The following NMU variants were observed in gnomAD, a reference collection of about 807,000 sequenced individuals.
The protein encoded by NMU is neuromedin U.
In NMU, 29 loss-of-function variants were observed where a neutral mutation model predicts 35.4. The observed-to-expected ratio is 0.82, with a 90% CI of 0.61 to 1.12. The LOEUF is 1.12. NMU is among the 50% of genes most tolerant of loss of function. The probability of loss-of-function intolerance (pLI) is 0.00; values close to 1 mark genes in which losing one functional copy is unlikely to be tolerated. For missense variants in NMU, 199 were observed against 206.2 expected, an observed-to-expected ratio of 0.97 and a Z score of 0.21; for synonymous variants, 78 against 81.3, an observed-to-expected ratio of 0.96 and a Z score of 0.22.
intron 2 of NMU, among the ~76,000 whole-genome samples, chr4:55,626,593 G>A (rs1734540104): frequency 6.6e-6 from 1 of 152,180 alleles, no homozygotes; most frequent in East Asian, 1.9e-4. Context: ...TGTAGTCCCA[G>A]CTACTCAGGA....
At chr4:55,595,511 A>G (rs960159737) in intron 9 of NMU, 100 bp from the exon 10 acceptor site, 1 of 147,462 alleles carries the variant, frequency 6.8e-6, no homozygotes, top group Non-Finnish European at 1.5e-5. Flanking sequence ...TTGTCATAGA[A>G]TAACAGTAGC....
At chr4:55,612,620 A>G (rs1733979615) in intron 3 of NMU, among the ~76,000 whole-genome samples, 1 of 152,212 alleles carries the variant, frequency 6.6e-6, no homozygotes, top group Non-Finnish European at 1.5e-5. Flanking sequence ...AAAGAAGAAT[A>G]AATTCACACA....
At chr4:55,601,519 GA>G (rs1422806565) in intron 7 of NMU, among the ~76,000 whole-genome samples, 1 of 150,950 alleles carries the variant, frequency 6.6e-6, no homozygotes, top group African/African-American at 2.4e-5. Flanking sequence ...ACTTAATATT[GA>G]AAAAAATCTG....
In NMU at chr4:55,633,130, C is replaced by T. The variant is rs1235596649; in HGVS notation, c.113-2670G>A. On this transcript the variant is annotated intron_variant, in intron 1 of 9. Transcript: ENST00000264218. ...ACCAGGTCAGGAGATTGAGACGATC[C>T]TGGCTAACATGGTGAAACCTCGTCT... is the stretch of plus-strand genomic sequence containing the variant. 3.3e-5 allele frequency among the ~76,000 whole-genome samples: 5 copies of T among 152,030 alleles called. No homozygotes were observed. In the South Asian group the frequency reaches 6.2e-4, roughly 19 times the overall value.
At chr4:55,625,941 C>G (rs1230853559) in intron 2 of NMU, among the ~76,000 whole-genome samples, 1 of 152,032 alleles carries the variant, frequency 6.6e-6, no homozygotes, top group Non-Finnish European at 1.5e-5. Context: ...CCATTTCCTT[C>G]CACTACAAGC....
At chr4:55,616,903 A>G (rs1734126625) in intron 2 of NMU, among the ~76,000 whole-genome samples, 1 of 152,186 alleles carries the variant, frequency 6.6e-6, no homozygotes. Context: ...TCTATTTTAT[A>G]ATGAGGGTTT....
intron 2 of NMU, among the ~76,000 whole-genome samples, chr4:55,617,139 T>C (rs1734139019): frequency 6.6e-6 from 1 of 152,156 alleles, no homozygotes; most frequent in Admixed American, 6.5e-5. Flanking sequence ...TCTGGAATGA[T>C]AGAGGTTGAG....
chr4:55,616,513 T>C (rs1490653051), intron 2 of NMU, 128 bp from the exon 3 acceptor site: 1 of 758,640 alleles, frequency 1.3e-6, no homozygotes, highest in Non-Finnish European at 2.3e-6. Context: ...ACTCTGGATT[T>C]GGAAGACAGG....
At chr4:55,603,736 C>G (rs1444647185) in intron 7 of NMU, among the ~76,000 whole-genome samples, 3 of 151,214 alleles carry the variant, frequency 2.0e-5, no homozygotes, top group Admixed American at 6.6e-5. Flanking sequence ...CACGGTGAAA[C>G]TCCGTCTCTA....
At chr4:55,633,547 A>G (rs1378078853) in intron 1 of NMU, among the ~76,000 whole-genome samples, 2 of 152,216 alleles carry the variant, frequency 1.3e-5, no homozygotes, top group African/African-American at 4.8e-5. Flanking sequence ...ACTGTTTTTG[A>G]TAAGTTTCAC....
chr4:55,613,680 T>C (rs553749902), intron 3 of NMU, among the ~76,000 whole-genome samples: 1 of 152,204 alleles, frequency 6.6e-6, no homozygotes, highest in Non-Finnish European at 1.5e-5. Flanking sequence ...CCACATTGAC[T>C]CTTTGTCTTG....
At chr4:55,614,734 C>T (rs1175848559) in intron 3 of NMU, among the ~76,000 whole-genome samples, 1 of 152,158 alleles carries the variant, frequency 6.6e-6, no homozygotes, top group African/African-American at 2.4e-5. Context: ...TAAATGAGTG[C>T]TTTAAAATTC....
intron 2 of NMU, among the ~76,000 whole-genome samples, chr4:55,627,767 A>T (rs1734592539): frequency 6.6e-6 from 1 of 152,232 alleles, no homozygotes; most frequent in Non-Finnish European, 1.5e-5. Context: ...GTTCAAGAGC[A>T]AGAAGTTTGT....
intron 3 of NMU, among the ~76,000 whole-genome samples, chr4:55,612,525 G>A (rs180687390): frequency 3.9e-4 from 60 of 152,064 alleles, no homozygotes; most frequent in African/African-American, 1.4e-3. Flanking sequence ...GAATAAACAC[G>A]TATGGCTGAT....
Position 55,605,323 on chromosome 4 carries a change from C to T in NMU, c.387G>A (p.Gln129=), listed in dbSNP as rs1733635316. ...VVSSVVHPLL[Q]LVPHLHERRM... ...TTCTCTCATGCAGGTGAGGAACGAG[C>T]TGCAGCAACGGATGCACAACTGACG... The change falls in exon 7 of 10, where the codon CAG becomes CAA. Residue 129 remains glutamine (Q), a synonymous_variant. Transcript: ENST00000264218. 1.9e-6 allele frequency: 3 copies of T among 1,613,900 alleles called. No individual in the cohort carries two copies. Among genetic ancestry groups the T allele is most frequent in the Non-Finnish European group, 2.5e-6 (3 of 1,179,756 alleles).
At chr4:55,602,342 G>A (rs562318551) in intron 7 of NMU, among the ~76,000 whole-genome samples, 2 of 152,118 alleles carry the variant, frequency 1.3e-5, no homozygotes, top group African/African-American at 2.4e-5. Context: ...CCAGCAAAGC[G>A]AACACTCTCC....
intron 7 of NMU, among the ~76,000 whole-genome samples, chr4:55,602,892 C>T (rs1373682887): frequency 1.3e-5 from 2 of 152,202 alleles, no homozygotes; most frequent in African/African-American, 4.8e-5. Context: ...TTCACCTAAA[C>T]TCTATGTGTT....
chr4:55,618,717 TTCTC>T (rs751755173), intron 2 of NMU, among the ~76,000 whole-genome samples: 9 of 129,556 alleles, frequency 6.9e-5, no homozygotes, highest in African/African-American at 1.6e-4. Flanking sequence ...TTTTTCTTTC[TTCTC>T]TCTTTCTTCT....
At chr4:55,634,385 T>A (rs1715792417) in intron 1 of NMU, among the ~76,000 whole-genome samples, 1 of 152,198 alleles carries the variant, frequency 6.6e-6, no homozygotes, top group Admixed American at 6.5e-5. Flanking sequence ...AGTATCTCAT[T>A]CTTTTACTTG....
Sources: allele counts gnomAD v4.1 joint callset (sites outside exome capture counted in the v4.1 genomes callset), GRCh38; gene constraint gnomAD v4.1.1; transcripts MANE v1.5; gene names NCBI Gene and HGNC (gene_info 2026-07-23, HGNC 2026-07-21).